The following TSHR variants were observed in gnomAD, a reference collection of about 807,000 sequenced individuals.
TSHR encodes the protein thyroid stimulating hormone receptor.
Under a neutral mutation model 64.1 loss-of-function variants are expected in TSHR, and 51 were observed. The ratio of observed to expected loss-of-function variants is 0.80; its 90% CI spans 0.64 to 1.01. The LOEUF (loss-of-function observed/expected upper bound fraction) is 1.01, where lower values mean the gene tolerates loss of function less well. Among genes scored for constraint, TSHR ranks in the 50% least tolerant of loss-of-function variants. The pLI, the probability that TSHR is intolerant of heterozygous loss-of-function variation, is 0.00. For synonymous variants in TSHR, 361 were observed against 361.9 expected (o/e 1.00, Z 0.03); for missense variants, 877 against 942.8 (o/e 0.93, Z 0.91).
intron 1 of TSHR, chr14:81,051,523 A>T (rs1264514380): frequency 6.6e-6 from 1 of 152,150 alleles, no homozygotes; most frequent in African/African-American, 2.4e-5. Context: ...TGGAGTGCAG[A>T]CGTTTCTTCA....
intron 1 of TSHR, among the ~76,000 whole-genome samples, chr14:81,045,712 C>T (rs1454512925): frequency 6.6e-6 from 1 of 152,102 alleles, no homozygotes; most frequent in East Asian, 1.9e-4. Flanking sequence ...AGCTAGAAAC[C>T]CACAGGGTAA....
chr14:80,995,703 G>A (rs1485543787), intron 1 of TSHR: 1 of 143,728 alleles, frequency 7.0e-6, no homozygotes. Context: ...GGAGGGAGAG[G>A]ATTAGGAAAA....
At chr14:81,004,179 TAATAGCA>T (rs1674449721) in intron 1 of TSHR, among the ~76,000 whole-genome samples, 2 of 152,270 alleles carry the variant, frequency 1.3e-5, no homozygotes, top group South Asian at 4.2e-4. Flanking sequence ...TGACCTCAAA[TAATAGCA>T]CTTTACTCGT....
intron 1 of TSHR, chr14:80,982,132 G>A (rs1360100735): frequency 1.1e-5 from 6 of 569,742 alleles, no homozygotes; most frequent in African/African-American, 1.9e-5. Flanking sequence ...GACAAGCCAG[G>A]GTCTCTGACA....
chr14:81,123,654 C>T (rs780971497), intron 8 of TSHR, among the ~76,000 whole-genome samples: 29 of 152,242 alleles, frequency 1.9e-4, no homozygotes, highest in Non-Finnish European at 3.8e-4. Flanking sequence ...AATACAGTCA[C>T]GTCTAATAGT....
chr14:81,056,747 T>C (rs374977402), intron 1 of TSHR, among the ~76,000 whole-genome samples: 36 of 152,188 alleles, frequency 2.4e-4, no homozygotes, highest in African/African-American at 7.2e-4. Context: ...CAAAACTCTG[T>C]TTGACCCTAC....
intron 1 of TSHR, among the ~76,000 whole-genome samples, chr14:81,017,980 C>T (rs1024880273): frequency 1.3e-5 from 2 of 152,076 alleles, no homozygotes; most frequent in Non-Finnish European, 2.9e-5. Context: ...CAGGTACCTA[C>T]CACCACACCT....
intron 1 of TSHR, among the ~76,000 whole-genome samples, chr14:80,988,217 A>T (rs1025876823): frequency 1.3e-5 from 2 of 152,210 alleles, no homozygotes; most frequent in African/African-American, 4.8e-5. Flanking sequence ...CTATAGAGAA[A>T]TACCTGAGAC....
intron 1 of TSHR, 33 bp downstream of exon 1, chr14:80,955,883 A>T: frequency 1.9e-6 from 3 of 1,613,978 alleles, no homozygotes; most frequent in Non-Finnish European, 2.5e-6. Context: ...GGTAGGACCC[A>T]GAGATCAAGG....
chr14:81,118,636 A>T (rs1443255571), intron 8 of TSHR, among the ~76,000 whole-genome samples: 3 of 152,192 alleles, frequency 2.0e-5, no homozygotes, highest in African/African-American at 4.8e-5. Flanking sequence ...CATCCCCATC[A>T]AGCTACCAAT....
chr14:81,018,599 C>A (rs1250630774), intron 1 of TSHR, among the ~76,000 whole-genome samples: 1 of 152,132 alleles, frequency 6.6e-6, no homozygotes, highest in Admixed American at 6.5e-5. Context: ...GTACAGGGAA[C>A]AGGGAAGAAA....
chr14:81,005,158 C>T (rs1889527870), intron 1 of TSHR, among the ~76,000 whole-genome samples: 1 of 151,826 alleles, frequency 6.6e-6, no homozygotes. Context: ...ATGCACTGGT[C>T]CTGTTTCTCC....
intron 1 of TSHR, among the ~76,000 whole-genome samples, chr14:81,009,232 G>A (rs1286736727): frequency 6.6e-6 from 1 of 152,130 alleles, no homozygotes. Flanking sequence ...TGTATGAGAA[G>A]ATCTTTTAAA....
chr14:80,982,577 T>C, intron 1 of TSHR: 1 of 1,001,238 alleles, frequency 1.0e-6, no homozygotes, highest in Non-Finnish European at 1.4e-6. Flanking sequence ...AGTAGGATAG[T>C]TAGATCTCAG....
chr14:81,077,418 A>G (rs1482124449), intron 3 of TSHR, among the ~76,000 whole-genome samples: 1 of 152,244 alleles, frequency 6.6e-6, no homozygotes, highest in African/African-American at 2.4e-5. Flanking sequence ...ACACATATTC[A>G]TACATATATG....
chr14:81,064,492 G>C (rs1490172120), intron 2 of TSHR, among the ~76,000 whole-genome samples: 4 of 152,152 alleles, frequency 2.6e-5, no homozygotes, highest in Admixed American at 1.3e-4. Flanking sequence ...TCATTCATTT[G>C]ATAAATATTT....
At chr14:80,974,510 G>T (rs570664344) in intron 1 of TSHR, among the ~76,000 whole-genome samples, 2 of 152,170 alleles carry the variant, frequency 1.3e-5, no homozygotes, top group East Asian at 3.9e-4. Flanking sequence ...TGCTTGGTTG[G>T]CCTTATGTAG....
intron 3 of TSHR, 157 bp downstream of exon 3, chr14:81,068,485 G>A (rs1057018498): frequency 7.3e-6 from 5 of 682,438 alleles, no homozygotes; most frequent in Non-Finnish European, 1.0e-5. Context: ...CTCAGTTCAT[G>A]TTAATTCATC....
intron 3 of TSHR, among the ~76,000 whole-genome samples, chr14:81,070,974 T>C (rs1487074605): frequency 6.6e-6 from 1 of 152,192 alleles, no homozygotes; most frequent in East Asian, 1.9e-4. Context: ...AAAAGGTCAA[T>C]ATATGGGTAA....
Sources: allele counts gnomAD v4.1 joint callset (sites outside exome capture counted in the v4.1 genomes callset), GRCh38; gene constraint gnomAD v4.1.1; transcripts MANE v1.5; gene names NCBI Gene and HGNC (gene_info 2026-07-23, HGNC 2026-07-21).